Variants in EVL observed in about 807,000 individuals in gnomAD.
EVL encodes ena/VASP-like protein.
EVL carries 21 observed loss-of-function variants against 59.6 expected under a neutral mutation model. The ratio of observed to expected loss-of-function variants is 0.35; its 90% CI spans 0.25 to 0.51. The LOEUF is 0.51. Among genes scored for constraint, EVL ranks in the 20% least tolerant of loss-of-function variants. EVL has a pLI of 0.97. For missense variants in EVL, 462 were observed against 546.6 expected, an observed-to-expected ratio of 0.85 and a Z score of 1.54; for synonymous variants, 198 against 203.5, an observed-to-expected ratio of 0.97 and a Z score of 0.23.
rs535271111 is a variant in EVL at position 100,015,785 on chromosome 14, T to A, written c.5+43728T>A. ...GTGTTATTTTTAAAAATAAGACAAT[T>A]ATTGGCTGGGCACAGTGGCTCATGC... On this transcript the variant is annotated intron_variant, in intron 1 of 13. Coordinates refer to the EVL transcript ENST00000402714. Among the ~76,000 whole-genome samples the A allele has an allele frequency of 3.3e-5, 5 of 152,322 alleles. No homozygotes were observed. The South Asian group carries it at 1.0e-3, about 32-fold the overall frequency.
At chr14:100,057,489 T>C (rs2061752798) in intron 1 of EVL, among the ~76,000 whole-genome samples, 1 of 152,100 alleles carries the variant, frequency 6.6e-6, no homozygotes, top group African/African-American at 2.4e-5. Flanking sequence ...AGAAAAATGA[T>C]TTGGAGTTTG....
rs77703297 is a variant in EVL at position 100,035,366 on chromosome 14, C to T, written c.6-49321C>T. Among the ~76,000 whole-genome samples the T allele has an allele frequency of 4.7e-5, 7 of 150,118 alleles. No individual in the cohort carries two copies. In the East Asian group the frequency reaches 1.2e-3, roughly 25 times the overall value. On this transcript the variant is annotated intron_variant, in intron 1 of 13. Coordinates refer to the EVL transcript ENST00000402714. Reference sequence around the variant, plus strand: ...TTTTTTTCTTTTTATATGCTGCTCACTCCCTCAGATGGGGCCATCTGTTTT... The same window carrying T: ...TTTTTTTCTTTTTATATGCTGCTCATTCCCTCAGATGGGGCCATCTGTTTT...
rs1385789505 is a variant in EVL, at chr14:100,097,563, A to G, written c.263A>G (p.Gln88Arg). ...TTCCACCAGTGGCGAGATGCCCGCC[A>G]GGTCTACGGCTTAAACTTTGCAAGT... ...PTFHQWRDAR[Q>R]VYGLNFASKE... The change falls in exon 3 of 14, where the codon CAG (glutamine) becomes CGG (arginine). Residue 88 changes from glutamine to arginine, a missense_variant. Physicochemically the swap from Gln to Arg is conservative, Grantham distance 43 (BLOSUM62 1). Transcript: ENST00000392920. The G allele has an allele frequency of 6.2e-7, 1 of 1,614,112 alleles. No individual in the cohort carries two copies. The highest frequency in any genetic ancestry group is 8.5e-7 in the Non-Finnish European group (1 of 1,180,040).
chr14:100,107,127 C>G, intron 3 of EVL: 1 of 398,776 alleles, frequency 2.5e-6, no homozygotes, highest in Non-Finnish European at 4.4e-6. Flanking sequence ...CCTTCAGGGC[C>G]GTGCCCCATG....
chr14:100,046,706 A>G (rs1424957666), intron 1 of EVL, among the ~76,000 whole-genome samples: 1 of 149,766 alleles, frequency 6.7e-6, no homozygotes, highest in Non-Finnish European at 1.5e-5. Context: ...TTGACAAATT[A>G]TGGAGGCCTG....
At chr14:100,027,992 C>T (rs1012237425) in intron 1 of EVL, among the ~76,000 whole-genome samples, 4 of 152,046 alleles carry the variant, frequency 2.6e-5, no homozygotes, top group East Asian at 1.9e-4. Context: ...CTATCTGGAC[C>T]GTTGTGACTA....
intron 1 of EVL, among the ~76,000 whole-genome samples, chr14:100,021,517 G>A (rs576427292): frequency 1.3e-5 from 2 of 152,280 alleles, no homozygotes; most frequent in African/African-American, 4.8e-5. Context: ...TGGGGGCCCC[G>A]TGATCATGGT....
chr14:100,136,414 C>T (rs75198796), intron 9 of EVL, among the ~76,000 whole-genome samples: 13 of 152,302 alleles, frequency 8.5e-5, no homozygotes, highest in African/African-American at 2.4e-4. Flanking sequence ...CCACCCAAAA[C>T]GCAGCCCCTT....
chr14:100,007,821 A>G (rs1292245077), intron 1 of EVL, among the ~76,000 whole-genome samples: 2 of 151,706 alleles, frequency 1.3e-5, no homozygotes, highest in Admixed American at 6.6e-5. Context: ...CAGAGAGAGA[A>G]AGAGAAAGAA....
intron 1 of EVL, among the ~76,000 whole-genome samples, chr14:100,016,654 A>G (rs2061053605): frequency 2.0e-5 from 3 of 152,232 alleles, no homozygotes; most frequent in South Asian, 2.1e-4. Flanking sequence ...TTTGAGCCCT[A>G]TTCCAGACAG....
intron 1 of EVL, among the ~76,000 whole-genome samples, chr14:100,080,643 C>T (rs960278745): frequency 6.6e-6 from 1 of 152,198 alleles, no homozygotes; most frequent in African/African-American, 2.4e-5. Context: ...TACGAAGGCC[C>T]AAAATGACAG....
intron 2 of EVL, among the ~76,000 whole-genome samples, chr14:100,094,603 G>T (rs548955116): frequency 2.0e-5 from 3 of 152,006 alleles, no homozygotes; most frequent in Non-Finnish European, 4.4e-5. Context: ...ATTGGATGGG[G>T]CATGGTGGCA....
At chr14:100,101,143 T>C (rs747193741) in intron 3 of EVL, among the ~76,000 whole-genome samples, 2 of 152,168 alleles carry the variant, frequency 1.3e-5, no homozygotes, top group Non-Finnish European at 2.9e-5. Context: ...GCAGATCACC[T>C]GAGGTCAAGA....
intron 1 of EVL, among the ~76,000 whole-genome samples, chr14:100,083,667 G>T (rs191241101): frequency 6.6e-6 from 1 of 152,158 alleles, no homozygotes; most frequent in Non-Finnish European, 1.5e-5. Context: ...TTGAACAAAT[G>T]AGGTTGCTTT....
chr14:100,142,523 C>T (rs1382409254), intron 13 of EVL, among the ~76,000 whole-genome samples: 2 of 152,246 alleles, frequency 1.3e-5, no homozygotes, highest in Non-Finnish European at 2.9e-5. Flanking sequence ...GTGATAAAGG[C>T]TGACACCTGG....
chr14:100,043,053 G>C (rs1306358469), intron 1 of EVL, among the ~76,000 whole-genome samples: 4 of 151,976 alleles, frequency 2.6e-5, no homozygotes, highest in African/African-American at 9.7e-5. Context: ...CAGCATATCA[G>C]CTCCATCAAC....
chr14:100,018,909 T>C (rs992256898), intron 1 of EVL, among the ~76,000 whole-genome samples: 1 of 152,188 alleles, frequency 6.6e-6, no homozygotes, highest in African/African-American at 2.4e-5. Flanking sequence ...TCTTCTGAAA[T>C]GATTATAGCA....
intron 1 of EVL, among the ~76,000 whole-genome samples, chr14:99,988,000 T>A (rs1335522243): frequency 6.8e-6 from 1 of 147,702 alleles, no homozygotes; most frequent in African/African-American, 2.5e-5. Flanking sequence ...CCACTATCTC[T>A]GCCCCCTGAG....
chr14:100,039,067 G>A (rs1016575110), intron 1 of EVL, among the ~76,000 whole-genome samples: 4 of 152,212 alleles, frequency 2.6e-5, no homozygotes, highest in Middle Eastern at 3.4e-3. Context: ...AAGGGAAAAA[G>A]GACAGGTAAG....
Sources: allele counts gnomAD v4.1 joint callset (sites outside exome capture counted in the v4.1 genomes callset), GRCh38; gene constraint gnomAD v4.1.1; transcripts MANE v1.5; gene names NCBI Gene and HGNC (gene_info 2026-07-23, HGNC 2026-07-21).